ARB2A: variants seen among roughly 807,000 people sequenced by gnomAD.
ARB2A encodes the protein ARB2 cotranscriptional regulator A.
At chr5:93,754,485 A>G in the ARB2A span, among the ~76,000 whole-genome samples, 1 of 152,206 alleles carries the variant, frequency 6.6e-6, no homozygotes, top group Non-Finnish European at 1.5e-5. Context: ...AGGGGGCTGA[A>G]AGTACATAAG....
At chr5:93,673,603 A>AT in the ARB2A span, among the ~76,000 whole-genome samples, 7 of 152,202 alleles carry the variant, frequency 4.6e-5, no homozygotes, top group African/African-American at 7.2e-5. Flanking sequence ...GAGTTCACTT[A>AT]TTTATGCATC....
the ARB2A span, among the ~76,000 whole-genome samples, chr5:93,873,133 A>G: frequency 6.6e-6 from 1 of 151,954 alleles, no homozygotes; most frequent in Admixed American, 6.6e-5. Context: ...TTTATTTTAA[A>G]AATCTCCTGT....
At chr5:94,023,478 T>C in the ARB2A span, among the ~76,000 whole-genome samples, 3 of 152,210 alleles carry the variant, frequency 2.0e-5, no homozygotes, top group Non-Finnish European at 2.9e-5. Context: ...CAATATTGTG[T>C]ATTCAAATAA....
At chr5:93,732,954 C>T in the ARB2A span, among the ~76,000 whole-genome samples, 7 of 151,614 alleles carry the variant, frequency 4.6e-5, no homozygotes, top group Admixed American at 2.6e-4. Context: ...AATATATCTT[C>T]TAAAAATGGT....
the ARB2A span, among the ~76,000 whole-genome samples, chr5:94,035,572 T>C: frequency 6.6e-6 from 1 of 152,242 alleles, no homozygotes; most frequent in South Asian, 2.1e-4. Context: ...CCTGAGGATA[T>C]ATCCAGCAAA....
At chr5:93,759,886 T>A in the ARB2A span, among the ~76,000 whole-genome samples, 1 of 152,010 alleles carries the variant, frequency 6.6e-6, no homozygotes, top group East Asian at 1.9e-4. Flanking sequence ...ACACTGGAAG[T>A]TCCAGCCAGA....
chr5:93,672,400 C>CCCTG, the ARB2A span, among the ~76,000 whole-genome samples: 2 of 151,862 alleles, frequency 1.3e-5, no homozygotes, highest in Non-Finnish European at 2.9e-5. Flanking sequence ...ACCTCTGAAG[C>CCCTG]CCTGGTTCAA....
At chr5:94,040,089 G>C in the ARB2A span, among the ~76,000 whole-genome samples, 10 of 152,140 alleles carry the variant, frequency 6.6e-5, no homozygotes, top group Non-Finnish European at 1.5e-4. Flanking sequence ...AGGAGGGTTA[G>C]AGTCTCTTCT....
the ARB2A span, among the ~76,000 whole-genome samples, chr5:93,692,505 A>C: frequency 6.6e-6 from 1 of 152,196 alleles, no homozygotes; most frequent in Admixed American, 6.5e-5. Context: ...TAACTATCCT[A>C]AATATATATG....
the ARB2A span, among the ~76,000 whole-genome samples, chr5:93,665,635 T>C: frequency 6.6e-6 from 1 of 152,250 alleles, no homozygotes; most frequent in African/African-American, 2.4e-5. Flanking sequence ...GTCAGGCACA[T>C]GGCATTCTAT....
the ARB2A span, among the ~76,000 whole-genome samples, chr5:93,836,906 G>A: frequency 6.6e-6 from 1 of 152,094 alleles, no homozygotes; most frequent in Non-Finnish European, 1.5e-5. Context: ...AAGTCTATAA[G>A]CTGGAGATAC....
chr5:93,650,592 A>T, the ARB2A span, among the ~76,000 whole-genome samples: 1 of 152,134 alleles, frequency 6.6e-6, no homozygotes, highest in Non-Finnish European at 1.5e-5. Flanking sequence ...AATAGGGGAG[A>T]AAAAAATATT....
the ARB2A span, chr5:93,740,958 C>T: frequency 3.3e-5 from 53 of 1,613,842 alleles, no homozygotes; most frequent in Non-Finnish European, 4.5e-5. Context: ...GGATCATCTC[C>T]ATTTTGCATA....
At chr5:94,079,573 A>G in the ARB2A span, among the ~76,000 whole-genome samples, 1 of 152,214 alleles carries the variant, frequency 6.6e-6, no homozygotes, top group African/African-American at 2.4e-5. Flanking sequence ...CAACTTCACC[A>G]GAAAAATAAT....
the ARB2A span, among the ~76,000 whole-genome samples, chr5:93,631,135 T>C: frequency 6.6e-6 from 1 of 152,046 alleles, no homozygotes. Context: ...TCCACCCACC[T>C]CAACCTCCCA....
At chr5:93,867,577 C>T in the ARB2A span, among the ~76,000 whole-genome samples, 6 of 152,028 alleles carry the variant, frequency 3.9e-5, no homozygotes, top group South Asian at 2.1e-4. Flanking sequence ...GCCACCATGC[C>T]GAGCTAATTT....
At chr5:93,993,992 T>C in the ARB2A span, among the ~76,000 whole-genome samples, 1 of 152,098 alleles carries the variant, frequency 6.6e-6, no homozygotes, top group African/African-American at 2.4e-5. Context: ...TGCATATCTC[T>C]ATATCAAGGG....
At chr5:93,733,716 C>T in the ARB2A span, 19 of 152,150 alleles carry the variant, frequency 1.2e-4, no homozygotes, top group East Asian at 1.9e-4. Flanking sequence ...TCTTTACCTT[C>T]GAAATTTCCT....
the ARB2A span, among the ~76,000 whole-genome samples, chr5:93,982,230 T>C: frequency 2.6e-5 from 4 of 152,204 alleles, no homozygotes; most frequent in African/African-American, 7.2e-5. Context: ...CAGGGCTTCA[T>C]CTGAGTTTCA....
Sources: allele counts gnomAD v4.1 joint callset (sites outside exome capture counted in the v4.1 genomes callset), GRCh38; gene constraint gnomAD v4.1.1; transcripts MANE v1.5; gene names NCBI Gene and HGNC (gene_info 2026-07-23, HGNC 2026-07-21).